SFXN2: variants seen among roughly 807,000 people sequenced by gnomAD.
SFXN2 encodes sideroflexin-2.
SFXN2 carries 37 observed loss-of-function variants against 41.9 expected under a neutral mutation model. That is an observed-to-expected ratio of 0.88 (90% CI 0.68 to 1.16). SFXN2 has a LOEUF of 1.16. Among genes scored for constraint, SFXN2 ranks in the 50% most tolerant of loss-of-function variants. SFXN2 has a pLI of 0.00. For missense variants in SFXN2, 386 were observed against 425.2 expected, an observed-to-expected ratio of 0.91 and a Z score of 0.81; for synonymous variants, 150 against 156.7, an observed-to-expected ratio of 0.96 and a Z score of 0.32.
chr10:102,718,431 G>A (rs2064450254), intron 1 of SFXN2, among the ~76,000 whole-genome samples: 1 of 152,224 alleles, frequency 6.6e-6, no homozygotes, highest in Admixed American at 6.5e-5. Flanking sequence ...GTAGAGCATG[G>A]GAAAGTGAAC....
chr10:102,733,257 C>T (rs1414109273), intron 9 of SFXN2, among the ~76,000 whole-genome samples: 2 of 152,242 alleles, frequency 1.3e-5, no homozygotes, highest in Non-Finnish European at 2.9e-5. Flanking sequence ...ATGCCATTCT[C>T]CTGCCTCAGC....
Position 102,729,825 on chromosome 10 carries a change from T to C in SFXN2, c.593+17T>C. ...GCGACAGCAGTGAGTAAAGGCCCCT[T>C]TTTCTCCCTACAAACCACAAGATTA... On this transcript the variant is annotated intron_variant, in intron 6 of 11. Transcript: ENST00000369893. The C allele has an allele frequency of 6.2e-7, 1 of 1,613,352 alleles. No individual in the cohort carries two copies.
intron 1 of SFXN2, among the ~76,000 whole-genome samples, chr10:102,723,169 CT>C (rs2064535272): frequency 6.6e-6 from 1 of 151,924 alleles, no homozygotes; most frequent in African/African-American, 2.4e-5. Context: ...TGGTCTCAAA[CT>C]TTTGACCTCA....
chr10:102,727,999 T>C (rs769263907), intron 3 of SFXN2, among the ~76,000 whole-genome samples: 8 of 151,858 alleles, frequency 5.3e-5, no homozygotes, highest in Non-Finnish European at 1.2e-4. Flanking sequence ...CCCAGGTGCA[T>C]AAAACAGTAT....
intron 3 of SFXN2, 101 bp from the exon 4 acceptor site, chr10:102,728,330 A>G: frequency 1.1e-6 from 1 of 882,636 alleles, no homozygotes; most frequent in Non-Finnish European, 1.9e-6. Flanking sequence ...TAGTATGGGA[A>G]CAGTGTGGGG....
chr10:102,741,670 G>T lies in SFXN2; in HGVS notation c.*3908G>T, dbSNP rs1273318632. 1 of 152,254 alleles carries T rather than the reference G, an allele frequency of 6.6e-6. No homozygotes were observed. The highest frequency in any genetic ancestry group is 1.5e-5 in the Non-Finnish European group (1 of 68,062). 9.4% of individuals were successfully genotyped at this position (152,254 alleles called of 1,614,324 possible). ...TCCTCATGCCTTGGCCTCCCAAAGT[G>T]TTGGGATTACAGGCGTGAGCCACTA... On this transcript the variant is annotated 3_prime_UTR_variant, in exon 12 of 12. Coordinates refer to ENST00000369893, the MANE Select transcript of SFXN2 (RefSeq NM_178858.6).
At chr10:102,719,735 G>A (rs551558789) in intron 1 of SFXN2, among the ~76,000 whole-genome samples, 1 of 152,066 alleles carries the variant, frequency 6.6e-6, no homozygotes, top group Non-Finnish European at 1.5e-5. Flanking sequence ...CTTGAATATT[G>A]TGCTAGGCAC....
Position 102,739,249 on chromosome 10 carries a change from G to T in SFXN2, c.*1487G>T, listed in dbSNP as rs576385856. The T allele has an allele frequency of 3.3e-4, 50 of 152,372 alleles. No homozygotes were observed. Among genetic ancestry groups the T allele is most frequent in the African/African-American group, 1.1e-3 (47 of 41,584 alleles). 9.4% of individuals were successfully genotyped at this position (152,372 alleles called of 1,614,324 possible). A position where few individuals can be genotyped will look rare whatever the true frequency, so the allele number is the denominator to read the frequency against. On this transcript the variant is annotated 3_prime_UTR_variant, in exon 12 of 12. Transcript: ENST00000369893. Reference sequence around the variant, plus strand: ...GAAAGCAGGATCTGGCCTTACTTTGGCCTTGGCATGTCAGAAGGTATCACA... The same window carrying T: ...GAAAGCAGGATCTGGCCTTACTTTGTCCTTGGCATGTCAGAAGGTATCACA...
At position 102,737,803 on chromosome 10, in the gene SFXN2, C is replaced by T. The variant is rs113603658; in HGVS notation, c.*41C>T. The stretch of plus-strand genomic sequence containing the variant: ...AAGGACCAGTCTATTCCCATATTCA[C>T]CAGCTCCTCCTTAGCTACGTGCACA... On this transcript the variant is annotated 3_prime_UTR_variant, in exon 12 of 12. Transcript: ENST00000369893. 1.4e-6 allele frequency: 2 copies of T among 1,385,906 alleles called. No homozygotes were observed. Among genetic ancestry groups the T allele is most frequent in the South Asian group, 1.2e-5 (1 of 84,804 alleles). 85.9% of individuals were successfully genotyped at this position (1,385,906 alleles called of 1,614,324 possible).
intron 5 of SFXN2, 63 bp downstream of exon 5, chr10:102,729,457 G>T (rs1367525010): frequency 4.4e-6 from 7 of 1,573,186 alleles, no homozygotes; most frequent in Non-Finnish European, 5.2e-6. Context: ...TAGGGAAAAC[G>T]TCCTTCCCCC....
At chr10:102,732,616 A>G (rs1313965879) in intron 8 of SFXN2, among the ~76,000 whole-genome samples, 1 of 152,190 alleles carries the variant, frequency 6.6e-6, no homozygotes, top group African/African-American at 2.4e-5. Flanking sequence ...CTAGCAGCAC[A>G]TGTTTTCCTG....
rs1357561560 is a variant in SFXN2, at chr10:102,740,096, C to T, written c.*2334C>T. 2 of 152,116 alleles carry T rather than the reference C, an allele frequency of 1.3e-5. No homozygotes were observed. Among genetic ancestry groups the T allele is most frequent in the East Asian group, 1.9e-4 (1 of 5,186 alleles). The allele number at this position is 152,116 out of a possible 1,614,324, so 9.4% of individuals were successfully genotyped here. A position where few individuals can be genotyped will look rare whatever the true frequency, so the allele number is the denominator to read the frequency against. On this transcript the variant is annotated 3_prime_UTR_variant, in exon 12 of 12. Coordinates refer to ENST00000369893, the MANE Select transcript of SFXN2 (RefSeq NM_178858.6). ...GCACTGCTCTAAGGGGAAAGGGCCT[C>T]CTCCCCGAGGCCAAGGAATTCACTG... is the stretch of plus-strand genomic sequence containing the variant.
Position 102,739,379 on chromosome 10 carries a change from A to C in SFXN2, c.*1617A>C, listed in dbSNP as rs2064822697. 6.6e-6 allele frequency: 1 copy of C among 152,174 alleles called. No individual in the cohort carries two copies. The highest frequency in any genetic ancestry group is 2.1e-4 in the South Asian group (1 of 4,828). 9.4% of individuals were successfully genotyped at this position (152,174 alleles called of 1,614,324 possible). ...CCACAGGAAGCTCCAGATCTCCCAG[A>C]ATGGGAGCTGTGTTGCCCTAGAGCA... On this transcript the variant is annotated 3_prime_UTR_variant, in exon 12 of 12. Transcript: ENST00000369893.
At chr10:102,721,681 T>C (rs2064511831) in intron 1 of SFXN2, among the ~76,000 whole-genome samples, 1 of 150,246 alleles carries the variant, frequency 6.7e-6, no homozygotes, top group Admixed American at 6.7e-5. Flanking sequence ...TTTAGAAATA[T>C]ATAAAATATG....
In SFXN2 at chr10:102,743,399, A is replaced by G. The variant is rs529895021; in HGVS notation, c.*5637A>G. 6.6e-6 allele frequency: 1 copy of G among 152,394 alleles called. No individual in the cohort carries two copies. The highest frequency in any genetic ancestry group is 2.4e-5 in the African/African-American group (1 of 41,576). 9.4% of individuals were successfully genotyped at this position (152,394 alleles called of 1,614,324 possible). A position where few individuals can be genotyped will look rare whatever the true frequency, so the allele number is the denominator to read the frequency against. On this transcript the variant is annotated 3_prime_UTR_variant, in exon 12 of 12. Transcript: ENST00000369893. Reference sequence around the variant, plus strand: ...TCTTCTAGGGAATTCAAACGGACCTAAGCTGCTATTTGGGCAGTTGAGACC... The same window carrying G: ...TCTTCTAGGGAATTCAAACGGACCTGAGCTGCTATTTGGGCAGTTGAGACC...
At position 102,729,755 on chromosome 10, in the gene SFXN2, C is replaced by T; in HGVS notation, c.540C>T (p.Pro180=). ...CGCCCTTGGTGGGCCGCTGGGTGCC[C>T]TTTGCCGCTGTGGCTGCGGCTAACT... The part of the protein sequence containing the change: ...KAPPLVGRWV[P]FAAVAAANCV... The change falls in exon 6 of 12, where the codon CCC becomes CCT. Residue 180 remains proline, a synonymous_variant. Coordinates refer to ENST00000369893, the MANE Select transcript of SFXN2 (RefSeq NM_178858.6). The T allele has an allele frequency of 2.5e-6, 4 of 1,614,084 alleles. No individual in the cohort carries two copies. Among genetic ancestry groups the T allele is most frequent in the Non-Finnish European group, 3.4e-6 (4 of 1,180,042 alleles).
chr10:102,733,647 C>T (rs963223502), intron 10 of SFXN2, 44 bp downstream of exon 10: 1 of 1,536,134 alleles, frequency 6.5e-7, no homozygotes, highest in Admixed American at 1.7e-5. Context: ...GTGGCTGGAG[C>T]ACTCAAGATG....
At chr10:102,726,832 G>C (rs753590437) in intron 2 of SFXN2, 35 bp downstream of exon 2, 2 of 1,612,056 alleles carry the variant, frequency 1.2e-6, no homozygotes, top group South Asian at 2.2e-5. Context: ...AAGTAGTAGG[G>C]TAACATTGAT....
At chr10:102,717,551 T>C (rs1006000454) in intron 1 of SFXN2, among the ~76,000 whole-genome samples, 3 of 152,174 alleles carry the variant, frequency 2.0e-5, no homozygotes, top group Admixed American at 1.3e-4. Context: ...GACATGATGA[T>C]GACCTTTTTA....
Sources: gnomAD v4.1 joint callset for allele counts (sites outside exome capture counted in the v4.1 genomes callset) on GRCh38, gnomAD v4.1.1 for gene constraint, MANE v1.5 for transcripts, NCBI Gene and HGNC (gene_info 2026-07-23, HGNC 2026-07-21) for gene names.